Variants in FAM135A observed in about 807,000 individuals in gnomAD.
FAM135A encodes the protein protein FAM135A.
In FAM135A, 79 loss-of-function variants were observed where a neutral mutation model predicts 146.8. That is an observed-to-expected ratio of 0.54 (90% CI 0.45 to 0.65). The LOEUF (loss-of-function observed/expected upper bound fraction) is 0.65. Among genes scored for constraint, FAM135A ranks in the 30% least tolerant of loss-of-function variants. The pLI is 0.00. For synonymous variants in FAM135A, 562 were observed against 603.6 expected (o/e 0.93, Z 1.01); for missense variants, 1,623 against 1,758.2 (o/e 0.92, Z 1.38).
At chr6:70,458,407 T>C (rs1332298822) in intron 5 of FAM135A, among the ~76,000 whole-genome samples, 1 of 152,234 alleles carries the variant, frequency 6.6e-6, no homozygotes, top group Non-Finnish European at 1.5e-5. Context: ...TAATTTATGA[T>C]AACTTGTTTT....
intron 10 of FAM135A, chr6:70,486,072 A>C (rs567870735): frequency 5.7e-4 from 535 of 935,512 alleles, no homozygotes; most frequent in Non-Finnish European, 8.1e-4. Context: ...TATCAGATCA[A>C]CACTAAGTCT....
At chr6:70,431,677 T>A (rs527913458) in intron 4 of FAM135A, among the ~76,000 whole-genome samples, 67 of 152,356 alleles carry the variant, frequency 4.4e-4, no homozygotes, top group African/African-American at 1.4e-3. Flanking sequence ...GTGACATTTT[T>A]AAAATCAATC....
intron 12 of FAM135A, among the ~76,000 whole-genome samples, chr6:70,510,190 C>G (rs889954807): frequency 8.1e-6 from 1 of 123,862 alleles, no homozygotes; most frequent in Non-Finnish European, 1.6e-5. Flanking sequence ...GTAGAAGATT[C>G]AAAGGCATAG....
chr6:70,420,465 A>G (rs1201295749), intron 2 of FAM135A, among the ~76,000 whole-genome samples: 1 of 152,186 alleles, frequency 6.6e-6, no homozygotes, highest in East Asian at 1.9e-4. Context: ...ATTTTTCCAG[A>G]TATCCATGCC....
chr6:70,516,354 A>G (rs1318814511), intron 12 of FAM135A, among the ~76,000 whole-genome samples: 1 of 152,052 alleles, frequency 6.6e-6, no homozygotes, highest in Admixed American at 6.5e-5. Context: ...GTCTAGTTGC[A>G]TCTGCCTGTA....
chr6:70,492,155 TGAAAG>T (rs1786134533), intron 11 of FAM135A, among the ~76,000 whole-genome samples: 1 of 151,504 alleles, frequency 6.6e-6, no homozygotes, highest in Non-Finnish European at 1.5e-5. Context: ...ATAATAAAAA[TGAAAG>T]GAAATAAGGT....
Position 70,524,379 on chromosome 6 carries a change from A to G in FAM135A, c.1295A>G (p.Gln432Arg). The change falls in exon 15 of 22, where the codon CAG becomes CGG. Residue 432 changes from glutamine to arginine, a missense_variant. By Grantham distance (43) the Gln-to-Arg change is conservative. This residue lies in a region of FAM135A where 1,061 missense variants were observed against 1,113.8 expected (regional missense o/e 0.95). Transcript: ENST00000418814. ...DAPWMGIQNL[Q>R]RSESSKMDKY... ...CCCTGGATGGGAATTCAGAATCTTC[A>G]GAGATCAGAGTCCAGTAAAATGGAT... 4 of 1,502,320 alleles carry G rather than the reference A, an allele frequency of 2.7e-6. No individual in the cohort carries two copies. Among genetic ancestry groups the G allele is most frequent in the Non-Finnish European group, 3.5e-6 (4 of 1,131,314 alleles). The allele number at this position is 1,502,320 out of a possible 1,614,324, so 93.1% of individuals were successfully genotyped here. A position where few individuals can be genotyped will look rare whatever the true frequency, so the allele number is the denominator to read the frequency against.
intron 5 of FAM135A, among the ~76,000 whole-genome samples, chr6:70,456,933 A>G (rs1778489614): frequency 6.6e-6 from 1 of 152,192 alleles, no homozygotes; most frequent in Non-Finnish European, 1.5e-5. Context: ...CAGGCGTGGT[A>G]GTGGCATTAT....
chr6:70,432,197 C>T lies in FAM135A; in HGVS notation c.77+3778C>T, dbSNP rs181032875. ...CACTAACCTCAGTATTTTATTCTTC[C>T]TCTAAAAAAATAAATTCAAGTTTTC... is the stretch of plus-strand genomic sequence containing the variant. On this transcript the variant is annotated intron_variant, in intron 4 of 21. Coordinates refer to ENST00000418814, the MANE Select transcript of FAM135A (RefSeq NM_001162529.3). 6.7e-3 allele frequency among the ~76,000 whole-genome samples: 1,015 copies of T among 152,054 alleles called. 5 individuals carry two copies. Among genetic ancestry groups the T allele is most frequent in the Middle Eastern group, 0.01 (3 of 292 alleles).
At chr6:70,434,235 T>C (rs984873461) in intron 4 of FAM135A, among the ~76,000 whole-genome samples, 2 of 152,254 alleles carry the variant, frequency 1.3e-5, no homozygotes, top group Non-Finnish European at 2.9e-5. Context: ...GAAACATTGC[T>C]ATTTGAACAC....
intron 11 of FAM135A, among the ~76,000 whole-genome samples, chr6:70,499,935 A>C (rs1371862827): frequency 1.3e-5 from 2 of 152,074 alleles, no homozygotes; most frequent in African/African-American, 4.8e-5. Flanking sequence ...AACCTTGGAG[A>C]ATCTGAAGAT....
At chr6:70,442,929 A>T (rs1280720754) in intron 4 of FAM135A, among the ~76,000 whole-genome samples, 1 of 152,138 alleles carries the variant, frequency 6.6e-6, no homozygotes, top group Non-Finnish European at 1.5e-5. Flanking sequence ...CCTATTGGAC[A>T]TTTTGTTTTT....
intron 21 of FAM135A, among the ~76,000 whole-genome samples, chr6:70,558,730 G>C (rs1177856208): frequency 6.6e-6 from 1 of 152,096 alleles, no homozygotes; most frequent in Non-Finnish European, 1.5e-5. Flanking sequence ...AAGATGGAAG[G>C]ATTGCTTGAG....
At chr6:70,479,557 G>T (rs1783308147) in intron 8 of FAM135A, among the ~76,000 whole-genome samples, 1 of 152,096 alleles carries the variant, frequency 6.6e-6, no homozygotes, top group Non-Finnish European at 1.5e-5. Context: ...ATAAATGAAA[G>T]GTTGGAAAAG....
chr6:70,558,533 G>A (rs1221066636), intron 21 of FAM135A, among the ~76,000 whole-genome samples: 1 of 152,160 alleles, frequency 6.6e-6, no homozygotes, highest in Non-Finnish European at 1.5e-5. Flanking sequence ...ACATTGTTTG[G>A]GCGCAGTGGC....
chr6:70,549,416 A>T (rs887092342), intron 20 of FAM135A, among the ~76,000 whole-genome samples: 2 of 152,176 alleles, frequency 1.3e-5, no homozygotes, highest in African/African-American at 2.4e-5. Flanking sequence ...TTATATTTTT[A>T]AAATGAAAAA....
At chr6:70,471,409 T>A (rs899606788) in intron 5 of FAM135A, among the ~76,000 whole-genome samples, 4 of 152,144 alleles carry the variant, frequency 2.6e-5, no homozygotes, top group Admixed American at 1.3e-4. Flanking sequence ...TTAGAGGGTA[T>A]GAACCAGAAA....
intron 10 of FAM135A, among the ~76,000 whole-genome samples, chr6:70,483,966 G>T (rs930725737): frequency 9.2e-5 from 14 of 152,306 alleles, no homozygotes; most frequent in Admixed American, 5.9e-4. Flanking sequence ...ATGGTAAGAA[G>T]ATTGAAGGGA....
At chr6:70,555,248 TG>T (rs1289556841) in intron 20 of FAM135A, among the ~76,000 whole-genome samples, 8 of 152,292 alleles carry the variant, frequency 5.3e-5, no homozygotes, top group Admixed American at 2.0e-4. Flanking sequence ...GGTTGGGATC[TG>T]GAAATCAATT....
Sources: allele counts gnomAD v4.1 joint callset (sites outside exome capture counted in the v4.1 genomes callset), GRCh38; gene constraint gnomAD v4.1.1; regional missense constraint gnomAD v4.1.1; transcripts MANE v1.5; gene names NCBI Gene and HGNC (gene_info 2026-07-23, HGNC 2026-07-21).